The following PPP2R3B variants were observed in gnomAD, a reference collection of about 807,000 sequenced individuals.
PPP2R3B encodes protein phosphatase 2 regulatory subunit B''beta.
In PPP2R3B, 68 loss-of-function variants were observed where a neutral mutation model predicts 72.9. That is an observed-to-expected ratio of 0.93 (90% confidence interval 0.77 to 1.14). The LOEUF (loss-of-function observed/expected upper bound fraction) is 1.14. Ranked by LOEUF, PPP2R3B falls within the 50% of genes most tolerant of loss-of-function variation. The probability of loss-of-function intolerance (pLI) is 0.00; values close to 1 mark genes in which losing one functional copy is unlikely to be tolerated. For missense variants in PPP2R3B, 1,018 were observed against 842.0 expected (o/e 1.21, Z -2.59); for synonymous variants, 466 against 375.8 (o/e 1.24, Z -2.78).
At position 386,595 on chromosome X, in the gene PPP2R3B, G is replaced by A. The variant is rs770438721; in HGVS notation, c.97C>T (p.Gln33Ter). The change falls in exon 1 of 13, where the codon CAG becomes TAG. Residue 33 changes from glutamine (Q) to a stop codon, truncating the protein, a stop_gained. Coordinates refer to ENST00000390665, the MANE Select transcript of PPP2R3B (RefSeq NM_013239.5). LOFTEE classifies it high-confidence loss of function. ...GCCTTGATCCGGCGCAGGCAGTCCT[G>A]CAGCATCCGCTGCGTGCTGGCCTCG... ...LSEASTQRML[Q>*]DCLRRIKAPG... is the part of the protein sequence containing the mutation. 2 of 1,449,536 alleles carry A rather than the reference G, an allele frequency of 1.4e-6. No homozygotes were observed. Among genetic ancestry groups the A allele is most frequent in the Non-Finnish European group, 1.8e-6 (2 of 1,102,030 alleles). The allele number at this position is 1,449,536 out of a possible 1,614,324, so 89.8% of individuals were successfully genotyped here.
intron 2 of PPP2R3B, among the ~76,000 whole-genome samples, chrX:358,826 G>T (rs184667848): frequency 0.046 from 7,025 of 151,540 alleles, 264 homozygotes; most frequent in Non-Finnish European, 0.071. Flanking sequence ...GCACCACGGT[G>T]GGGGGAGGCG....
Position 334,307 on chromosome X carries a change from G to A in PPP2R3B, c.*60C>T, listed in dbSNP as rs779133779. 84 of 1,419,986 alleles carry A rather than the reference G, an allele frequency of 5.9e-5. No homozygotes were observed. Among genetic ancestry groups the A allele is most frequent in the East Asian group, 1.1e-4 (4 of 36,746 alleles). The allele number at this position is 1,419,986 out of a possible 1,614,324, so 88.0% of individuals were successfully genotyped here. On this transcript the variant is annotated 3_prime_UTR_variant, in exon 13 of 13. Transcript: ENST00000390665. The stretch of plus-strand genomic sequence containing the variant: ...TTCCACAACAGTTTTTACACGAGCC[G>A]CGGTGGCCCGGTGGTGGCACGTGGG...
intron 12 of PPP2R3B, chrX:338,359 G>A (rs1489798848): frequency 5.0e-6 from 3 of 598,952 alleles, no homozygotes; most frequent in Admixed American, 2.9e-5. Flanking sequence ...CTCGCGCCCA[G>A]GATCACAGAA....
rs183752186 is a variant in PPP2R3B, at chrX:352,307, C to T, written c.511-4614G>A. ...TGTGGGGCCCGGCAACGCGGCGGCA[C>T]GCCCACCCGCACGGCCAGGACAGGG... On this transcript the variant is annotated intron_variant, in intron 2 of 12. Coordinates refer to ENST00000390665, the MANE Select transcript of PPP2R3B (RefSeq NM_013239.5). 6.3e-4 allele frequency among the ~76,000 whole-genome samples: 96 copies of T among 152,378 alleles called. 1 individual carries two copies. The highest frequency in any genetic ancestry group is 4.3e-3 in the Admixed American group (66 of 15,310).
intron 1 of PPP2R3B, among the ~76,000 whole-genome samples, chrX:383,699 G>T (rs370862157): frequency 3.3e-5 from 5 of 151,658 alleles, no homozygotes; most frequent in African/African-American, 1.2e-4. Context: ...TTAGCCGGGC[G>T]TGGTGGCGGG....
intron 1 of PPP2R3B, among the ~76,000 whole-genome samples, chrX:379,860 G>A (rs1444425071): frequency 1.3e-5 from 2 of 152,226 alleles, no homozygotes; most frequent in Admixed American, 1.3e-4. Context: ...TGGACTCACA[G>A]TATCTGCTTT....
intron 1 of PPP2R3B, among the ~76,000 whole-genome samples, chrX:374,842 T>G (rs1444621706): frequency 6.6e-6 from 1 of 152,160 alleles, no homozygotes; most frequent in East Asian, 1.9e-4. Context: ...GACACGGATC[T>G]ACCACTGTGG....
chrX:380,786 C>CAAA (rs1054118917), intron 1 of PPP2R3B, among the ~76,000 whole-genome samples: 67 of 53,056 alleles, frequency 1.3e-3, no homozygotes, highest in Non-Finnish European at 1.5e-3. Flanking sequence ...AACTCCATCT[C>CAAA]AAAAAAAAAA....
intron 1 of PPP2R3B, among the ~76,000 whole-genome samples, chrX:382,995 T>C (rs1183883853): frequency 6.6e-6 from 1 of 151,722 alleles, no homozygotes; most frequent in Non-Finnish European, 1.5e-5. Context: ...TGGGCAAGAG[T>C]TCCTAAGGTG....
At chrX:384,300 T>TATATAC (rs2072197265) in intron 1 of PPP2R3B, among the ~76,000 whole-genome samples, 21 of 134,148 alleles carry the variant, frequency 1.6e-4, no homozygotes, top group African/African-American at 5.7e-4. Flanking sequence ...ATATATATAC[T>TATATAC]TTTTTTTTTT....
At chrX:346,104 AAGGGAAG>A (rs2071204062) in intron 6 of PPP2R3B, 63 bp downstream of exon 6, 17 of 866,686 alleles carry the variant, frequency 2.0e-5, no homozygotes, top group East Asian at 3.9e-5. Context: ...GGGAGGAGGG[AAGGGAAG>A]GGAGTGGAGG....
chrX:340,277 G>A (rs781048836), intron 10 of PPP2R3B, among the ~76,000 whole-genome samples: 24 of 147,704 alleles, frequency 1.6e-4, no homozygotes, highest in African/African-American at 6.1e-4. Flanking sequence ...TCAGCCCAGT[G>A]CCAACGTCCC....
intron 2 of PPP2R3B, among the ~76,000 whole-genome samples, chrX:355,069 C>T (rs181964705): frequency 5.4e-4 from 83 of 152,324 alleles, no homozygotes; most frequent in African/African-American, 1.9e-3. Context: ...AAGAGAAAGG[C>T]TGAACTGTGC....
At chrX:338,747 G>A (rs766618004) in intron 11 of PPP2R3B, 31 bp downstream of exon 11, 41 of 1,611,712 alleles carry the variant, frequency 2.5e-5, no homozygotes, top group East Asian at 4.5e-5. Flanking sequence ...ACGGCGTGGC[G>A]CGGCCCGGCC....
At chrX:344,228 C>G (rs1276468827) in intron 7 of PPP2R3B, among the ~76,000 whole-genome samples, 1 of 102,500 alleles carries the variant, frequency 9.8e-6, no homozygotes, top group African/African-American at 3.1e-5. Context: ...TGAGACCTCA[C>G]CAACGGGAGG....
Position 363,321 on chromosome X carries a change from A to G in PPP2R3B, c.325-1731T>C, listed in dbSNP as rs748575648. 1.1e-3 allele frequency among the ~76,000 whole-genome samples: 155 copies of G among 145,066 alleles called. 5 individuals carry two copies. The highest frequency in any genetic ancestry group is 2.7e-3 in the South Asian group (12 of 4,524). ...TGCATCTCCCCGAGCCCACCATCCC[A>G]CAGTGCATCTCCCCGAGCCCACCAT... On this transcript the variant is annotated intron_variant, in intron 1 of 12. Transcript: ENST00000390665.
intron 2 of PPP2R3B, among the ~76,000 whole-genome samples, chrX:352,742 G>A (rs1235956597): frequency 6.6e-6 from 1 of 151,976 alleles, no homozygotes; most frequent in African/African-American, 2.4e-5. Flanking sequence ...CAACCGACAG[G>A]TGTGAGAGGA....
chrX:380,556 C>T (rs760100386), intron 1 of PPP2R3B, among the ~76,000 whole-genome samples: 13 of 152,126 alleles, frequency 8.5e-5, no homozygotes, highest in Admixed American at 2.0e-4. Context: ...GAGGCTGGGG[C>T]GGGTGGATCA....
intron 2 of PPP2R3B, among the ~76,000 whole-genome samples, chrX:356,476 G>C (rs1268616917): frequency 1.3e-5 from 2 of 152,104 alleles, no homozygotes; most frequent in African/African-American, 4.8e-5. Flanking sequence ...TCAGCCTCCC[G>C]AAGTGCTGGG....
Sources: gnomAD v4.1 joint callset for allele counts (sites outside exome capture counted in the v4.1 genomes callset) on GRCh38, gnomAD v4.1.1 for gene constraint, MANE v1.5 for transcripts, NCBI Gene and HGNC (gene_info 2026-07-23, HGNC 2026-07-21) for gene names.